CDK5RAP2: variants seen among roughly 807,000 people sequenced by gnomAD.
The protein encoded by CDK5RAP2 is CDK5 regulatory subunit associated protein 2, also known as CDK5 regulatory subunit-associated protein 2.
In CDK5RAP2, 147 loss-of-function variants were observed where a neutral mutation model predicts 232.9. The ratio of observed to expected loss-of-function variants is 0.63; its 90% CI spans 0.55 to 0.72. CDK5RAP2 has a LOEUF of 0.72. CDK5RAP2 is among the 30% of genes least tolerant of loss of function. The pLI, the probability that CDK5RAP2 is intolerant of heterozygous loss-of-function variation, is 0.00. For synonymous variants in CDK5RAP2, 833 were observed against 833.7 expected (o/e 1.00, Z 0.01); for missense variants, 2,195 against 2,231.5 (o/e 0.98, Z 0.33).
At chr9:120,510,063 T>A (rs2040008371) in intron 12 of CDK5RAP2, among the ~76,000 whole-genome samples, 1 of 152,160 alleles carries the variant, frequency 6.6e-6, no homozygotes. Context: ...CCAACCAGCC[T>A]GTAGAGACAC....
At chr9:120,427,130 G>C (rs2131407432) in intron 25 of CDK5RAP2, among the ~76,000 whole-genome samples, 1 of 152,278 alleles carries the variant, frequency 6.6e-6, no homozygotes. Flanking sequence ...AATCAGGAGT[G>C]TCTATTGGGT....
chr9:120,449,739 T>C (rs1024885335), intron 21 of CDK5RAP2, among the ~76,000 whole-genome samples: 3 of 152,250 alleles, frequency 2.0e-5, no homozygotes, highest in Non-Finnish European at 2.9e-5. Flanking sequence ...AAAGGAGATA[T>C]GTGTATGGCC....
intron 1 of CDK5RAP2, among the ~76,000 whole-genome samples, chr9:120,574,337 T>C (rs532778646): frequency 9.0e-4 from 137 of 152,316 alleles, no homozygotes; most frequent in African/African-American, 3.2e-3. Flanking sequence ...ATCATTCACT[T>C]GTAGCCTTAT....
At chr9:120,503,483 T>C (rs2039670885) in intron 12 of CDK5RAP2, among the ~76,000 whole-genome samples, 1 of 152,182 alleles carries the variant, frequency 6.6e-6, no homozygotes, top group African/African-American at 2.4e-5. Flanking sequence ...ATGGCATGTC[T>C]TGCCTGAGTA....
intron 12 of CDK5RAP2, among the ~76,000 whole-genome samples, chr9:120,507,937 AAAAAAAT>A (rs57966600): frequency 1.7e-3 from 88 of 51,266 alleles, no homozygotes; most frequent in East Asian, 6.1e-3. Context: ...AAAAAAAAAA[AAAAAAAT>A]ATATATATAT....
chr9:120,415,956 T>C (rs887185201), intron 27 of CDK5RAP2, among the ~76,000 whole-genome samples: 2 of 152,196 alleles, frequency 1.3e-5, no homozygotes, highest in Non-Finnish European at 1.5e-5. Context: ...TAAAATTATG[T>C]TATGAAGACT....
chr9:120,463,110 A>G (rs530007640), intron 18 of CDK5RAP2, among the ~76,000 whole-genome samples: 143 of 152,230 alleles, frequency 9.4e-4, no homozygotes, highest in Non-Finnish European at 1.7e-3. Flanking sequence ...GGTGGCTCAC[A>G]CCTGTAATCC....
At chr9:120,535,336 GA>G (rs1304981512) in intron 7 of CDK5RAP2, among the ~76,000 whole-genome samples, 2 of 152,160 alleles carry the variant, frequency 1.3e-5, no homozygotes, top group Non-Finnish European at 2.9e-5. Flanking sequence ...CCAAGCAGCA[GA>G]CTCCAATCTC....
chr9:120,491,004 T>C (rs1008464552), intron 13 of CDK5RAP2, among the ~76,000 whole-genome samples: 4 of 152,290 alleles, frequency 2.6e-5, no homozygotes, highest in East Asian at 3.9e-4. Flanking sequence ...CAGGAAGTAT[T>C]TGCAGTAGAA....
chr9:120,472,947 C>T (rs935187170), intron 15 of CDK5RAP2, among the ~76,000 whole-genome samples: 1 of 152,208 alleles, frequency 6.6e-6, no homozygotes, highest in African/African-American at 2.4e-5. Context: ...TAAATGTGAA[C>T]AGCCACATGG....
At chr9:120,469,015 A>G (rs1009021999) in intron 17 of CDK5RAP2, among the ~76,000 whole-genome samples, 1 of 152,228 alleles carries the variant, frequency 6.6e-6, no homozygotes, top group African/African-American at 2.4e-5. Context: ...AGTGCCAACC[A>G]AGTGAACTAC....
At chr9:120,567,328 C>A (rs1320201431) in intron 3 of CDK5RAP2, among the ~76,000 whole-genome samples, 2 of 152,148 alleles carry the variant, frequency 1.3e-5, no homozygotes, top group Non-Finnish European at 2.9e-5. Flanking sequence ...CAGTAATGAG[C>A]ATTCTAAATT....
At chr9:120,496,321 G>C (rs2039231577) in intron 12 of CDK5RAP2, among the ~76,000 whole-genome samples, 1 of 143,000 alleles carries the variant, frequency 7.0e-6, no homozygotes, top group African/African-American at 2.6e-5. Flanking sequence ...GCCCCGTCCG[G>C]GAGGGAGGTG....
intron 24 of CDK5RAP2, among the ~76,000 whole-genome samples, chr9:120,438,055 A>G (rs1330305279): frequency 3.9e-5 from 6 of 152,236 alleles, no homozygotes; most frequent in Non-Finnish European, 8.8e-5. Context: ...CAGTCTTCCA[A>G]CAAATGTATA....
chr9:120,544,369 C>T (rs1264334730), intron 5 of CDK5RAP2, among the ~76,000 whole-genome samples: 1 of 151,334 alleles, frequency 6.6e-6, no homozygotes, highest in Non-Finnish European at 1.5e-5. Context: ...AAATAATCTA[C>T]TTCAAAAAAC....
intron 3 of CDK5RAP2, among the ~76,000 whole-genome samples, chr9:120,551,126 G>A (rs1261097878): frequency 1.3e-5 from 2 of 151,976 alleles, no homozygotes; most frequent in African/African-American, 4.8e-5. Flanking sequence ...ATAATGACAG[G>A]AATGAATAAT....
In CDK5RAP2 at chr9:120,487,799, G is replaced by A. The variant is rs541599177; in HGVS notation, c.1483-362C>T. Among the ~76,000 whole-genome samples the A allele has an allele frequency of 3.3e-5, 5 of 152,280 alleles. No homozygotes were observed. The South Asian group carries it at 8.3e-4, about 25-fold the overall frequency. On this transcript the variant is annotated intron_variant, in intron 13 of 37. Coordinates refer to ENST00000349780, the MANE Select transcript of CDK5RAP2 (RefSeq NM_018249.6). ...CCTAGGTTCATCCTGCTCAGGGTGC[G>A]ATCTGCTTCCAGTCCTGCAGGCTTA...
intron 4 of CDK5RAP2, among the ~76,000 whole-genome samples, chr9:120,549,695 G>T (rs1435108161): frequency 6.6e-6 from 1 of 152,164 alleles, no homozygotes; most frequent in Non-Finnish European, 1.5e-5. Flanking sequence ...CAACAGACAC[G>T]TTTTGTATTC....
At chr9:120,452,568 T>G (rs1193799734) in intron 21 of CDK5RAP2, among the ~76,000 whole-genome samples, 1 of 151,690 alleles carries the variant, frequency 6.6e-6, no homozygotes, top group Non-Finnish European at 1.5e-5. Flanking sequence ...CACATCTCCC[T>G]TCTATAGGGA....
Sources: gnomAD v4.1 joint callset for allele counts (sites outside exome capture counted in the v4.1 genomes callset) on GRCh38, gnomAD v4.1.1 for gene constraint, MANE v1.5 for transcripts, NCBI Gene and HGNC (gene_info 2026-07-23, HGNC 2026-07-21) for gene names.